CFAP299: variants seen among roughly 807,000 people sequenced by gnomAD.
The protein encoded by CFAP299 is cilia and flagella associated protein 299.
In CFAP299, 21 loss-of-function variants were observed where a neutral mutation model predicts 27.0. The ratio of observed to expected loss-of-function variants is 0.78; its 90% CI spans 0.55 to 1.12. The LOEUF is 1.12. Among genes scored for constraint, CFAP299 ranks in the 50% most tolerant of loss-of-function variants. CFAP299 has a pLI of 0.00. For synonymous variants in CFAP299, 104 were observed against 98.1 expected, an observed-to-expected ratio of 1.06 and a Z score of -0.36; for missense variants, 310 against 276.6, an observed-to-expected ratio of 1.12 and a Z score of -0.86.
At chr4:80,716,773 T>C (rs770216107) in intron 3 of CFAP299, among the ~76,000 whole-genome samples, 20 of 152,130 alleles carry the variant, frequency 1.3e-4, no homozygotes, top group Non-Finnish European at 2.2e-4. Flanking sequence ...AATATGTATA[T>C]ACATAATGTA....
At chr4:80,789,215 C>T (rs1464998905) in intron 3 of CFAP299, among the ~76,000 whole-genome samples, 1 of 152,024 alleles carries the variant, frequency 6.6e-6, no homozygotes, top group Non-Finnish European at 1.5e-5. Context: ...TGTGTTTCTT[C>T]AGCCTGCCTG....
intron 3 of CFAP299, among the ~76,000 whole-genome samples, chr4:80,654,958 A>G (rs1740484392): frequency 6.6e-6 from 1 of 152,024 alleles, no homozygotes; most frequent in Non-Finnish European, 1.5e-5. Flanking sequence ...ATGTATTTTC[A>G]TCTGTTGAAG....
intron 3 of CFAP299, among the ~76,000 whole-genome samples, chr4:80,623,628 C>A (rs1738722576): frequency 6.6e-6 from 1 of 152,088 alleles, no homozygotes; most frequent in South Asian, 2.1e-4. Flanking sequence ...TTGCATTACC[C>A]CTGTCATTCC....
At chr4:80,523,028 CA>C (rs35386571) in intron 2 of CFAP299, among the ~76,000 whole-genome samples, 1 of 151,766 alleles carries the variant, frequency 6.6e-6, no homozygotes, top group Non-Finnish European at 1.5e-5. Context: ...TTTATTTCCA[CA>C]AAAATGTCTT....
the CFAP299 span, among the ~76,000 whole-genome samples, chr4:80,330,271 C>T: frequency 6.6e-6 from 1 of 152,134 alleles, no homozygotes; most frequent in African/African-American, 2.4e-5. Flanking sequence ...CCCCTCCAGT[C>T]ATTTACTGCT....
chr4:80,876,719 T>G (rs1219456046), intron 4 of CFAP299, among the ~76,000 whole-genome samples: 2 of 152,186 alleles, frequency 1.3e-5, no homozygotes, highest in Admixed American at 1.3e-4. Context: ...CCATTATTTT[T>G]TTTAATTCAG....
At chr4:80,928,552 T>C (rs184759205) in intron 4 of CFAP299, among the ~76,000 whole-genome samples, 178 of 152,234 alleles carry the variant, frequency 1.2e-3, no homozygotes, top group South Asian at 2.7e-3. Context: ...ATATTCATAA[T>C]GTAAAAGTGA....
intron 2 of CFAP299, among the ~76,000 whole-genome samples, chr4:80,398,849 T>C (rs1406450707): frequency 6.6e-6 from 1 of 152,132 alleles, no homozygotes; most frequent in Non-Finnish European, 1.5e-5. Context: ...TGGGATCTAA[T>C]GAAACGAAAG....
intron 3 of CFAP299, among the ~76,000 whole-genome samples, chr4:80,850,034 T>A (rs1203659506): frequency 6.6e-6 from 1 of 151,798 alleles, no homozygotes; most frequent in Non-Finnish European, 1.5e-5. Context: ...TTAAATAAAC[T>A]GAGGAGGTAA....
At chr4:80,800,241 A>G (rs1011241373) in intron 3 of CFAP299, among the ~76,000 whole-genome samples, 25 of 68,904 alleles carry the variant, frequency 3.6e-4, no homozygotes, top group African/African-American at 1.4e-3. Flanking sequence ...TAAATAATAT[A>G]ATATATAATA....
In CFAP299 at chr4:80,800,776, TA is replaced by T. The variant is rs1298379176; in HGVS notation, c.334-69216del. On this transcript the variant is annotated intron_variant, in intron 3 of 5. Coordinates refer to ENST00000358105, the MANE Select transcript of CFAP299 (RefSeq NM_152770.3). ...GTGTGTGTGTGTGTGTGTATATATA[TA>T]TATGTATACATATATATATATGAGT... Among the ~76,000 whole-genome samples, 5 of 136,640 alleles carry T rather than the reference TA, an allele frequency of 3.7e-5. No homozygotes were observed. In the East Asian group the frequency reaches 1.0e-3, roughly 28 times the overall value. The allele number at this position is 136,640 out of a possible 152,430, so 89.6% of individuals were successfully genotyped here. A position where few individuals can be genotyped will look rare whatever the true frequency, so the allele number is the denominator to read the frequency against.
At chr4:80,916,170 G>A (rs1278056612) in intron 4 of CFAP299, among the ~76,000 whole-genome samples, 7 of 147,510 alleles carry the variant, frequency 4.7e-5, no homozygotes, top group Admixed American at 1.4e-4. Context: ...GCTGAGGCAC[G>A]AGAATCACTG....
intron 2 of CFAP299, among the ~76,000 whole-genome samples, chr4:80,367,961 C>T (rs1297965737): frequency 2.0e-5 from 3 of 152,178 alleles, no homozygotes; most frequent in Non-Finnish European, 2.9e-5. Flanking sequence ...TCAGTAGTTA[C>T]AACTGAGTCA....
At chr4:80,684,915 C>T (rs1264050048) in intron 3 of CFAP299, among the ~76,000 whole-genome samples, 1 of 151,494 alleles carries the variant, frequency 6.6e-6, no homozygotes, top group East Asian at 1.9e-4. Context: ...TATGTTTGTC[C>T]CCAATTTAAA....
chr4:80,559,610 T>C (rs574893624), intron 2 of CFAP299, among the ~76,000 whole-genome samples: 2 of 152,218 alleles, frequency 1.3e-5, no homozygotes, highest in African/African-American at 4.8e-5. Context: ...CAGATGCCAG[T>C]CTCCTCCCTC....
chr4:80,914,009 G>A (rs767290013), intron 4 of CFAP299, among the ~76,000 whole-genome samples: 11 of 152,196 alleles, frequency 7.2e-5, no homozygotes, highest in South Asian at 4.1e-4. Context: ...TCATCCATGC[G>A]TTCTATTTAT....
intron 2 of CFAP299, among the ~76,000 whole-genome samples, chr4:80,447,400 G>A (rs1317003509): frequency 2.0e-5 from 3 of 149,666 alleles, no homozygotes. Context: ...CTCCCAAAGT[G>A]CTGGGATTAC....
chr4:80,942,325 G>T (rs955558807), intron 4 of CFAP299, among the ~76,000 whole-genome samples: 1 of 152,066 alleles, frequency 6.6e-6, no homozygotes, highest in Non-Finnish European at 1.5e-5. Flanking sequence ...AGTCTTTAAC[G>T]TTGGAATCCA....
In CFAP299 at chr4:80,910,171, G is replaced by C. The variant is rs73829190; in HGVS notation, c.477-34639G>C. 7.7e-3 allele frequency among the ~76,000 whole-genome samples: 1,177 copies of C among 152,130 alleles called. 3 individuals carry two copies. The highest frequency in any genetic ancestry group is 0.014 in the Middle Eastern group (4 of 294). On this transcript the variant is annotated intron_variant, in intron 4 of 5. Transcript: ENST00000358105. ...TAAATGATTAACTTTATGAAAACTAGTTATTGTCAACAGAGCTGGTGAAGT... is the reference window on the plus strand; with the variant it reads ...TAAATGATTAACTTTATGAAAACTACTTATTGTCAACAGAGCTGGTGAAGT...
Sources: allele counts gnomAD v4.1 joint callset (sites outside exome capture counted in the v4.1 genomes callset), GRCh38; gene constraint gnomAD v4.1.1; transcripts MANE v1.5; gene names NCBI Gene and HGNC (gene_info 2026-07-23, HGNC 2026-07-21).